GABRG2: variants seen among roughly 807,000 people sequenced by gnomAD.
GABRG2 encodes the protein gamma-aminobutyric acid receptor subunit gamma-2.
A neutral mutation model predicts 56.4 loss-of-function variants in GABRG2; 16 were observed. That is an observed-to-expected ratio of 0.28 (90% CI 0.19 to 0.43). GABRG2 has a LOEUF of 0.43. GABRG2 is among the 20% of genes least tolerant of loss of function. The probability of loss-of-function intolerance (pLI) is 1.00; values close to 1 mark genes in which losing one functional copy is unlikely to be tolerated. For synonymous variants in GABRG2, 208 were observed against 205.5 expected (o/e 1.01, Z -0.10); for missense variants, 327 against 582.7 (o/e 0.56, Z 4.52).
intron 6 of GABRG2, among the ~76,000 whole-genome samples, chr5:162,116,061 C>G (rs1241437880): frequency 1.3e-5 from 2 of 151,514 alleles, no homozygotes; most frequent in East Asian, 3.9e-4. Context: ...TCTTTCCTGA[C>G]TGACAGTCTG....
At chr5:162,152,617 T>A (rs1180771052) in intron 9 of GABRG2, 2 of 242,526 alleles carry the variant, frequency 8.2e-6, no homozygotes, top group Non-Finnish European at 1.6e-5. Flanking sequence ...TTTAACATTT[T>A]CTATTAACAT....
At chr5:162,144,096 C>T (rs1022556764) in intron 7 of GABRG2, among the ~76,000 whole-genome samples, 3 of 152,296 alleles carry the variant, frequency 2.0e-5, no homozygotes, top group Admixed American at 1.3e-4. Context: ...CTATTACTTT[C>T]GGACTATTAC....
At chr5:162,095,736 A>C (rs1026463125) in intron 3 of GABRG2, among the ~76,000 whole-genome samples, 174 bp downstream of exon 3, 1 of 152,112 alleles carries the variant, frequency 6.6e-6, no homozygotes. Context: ...ATTAAATGTT[A>C]AGTATTTTTA....
At chr5:162,109,424 T>TATATATATATA (rs1581377391) in intron 6 of GABRG2, among the ~76,000 whole-genome samples, 4 of 87,756 alleles carry the variant, frequency 4.6e-5, no homozygotes, top group South Asian at 3.3e-4. Context: ...ATATATATAT[T>TATATATATATA]TATTTATATA....
chr5:162,136,335 C>G (rs1210505355), intron 6 of GABRG2, among the ~76,000 whole-genome samples: 7 of 152,190 alleles, frequency 4.6e-5, no homozygotes, highest in Admixed American at 2.0e-4. Context: ...ACACTAGTCA[C>G]TAGCTACATG....
At position 162,094,336 on chromosome 5, in the gene GABRG2, G is replaced by GT. The variant is rs528516898; in HGVS notation, c.259+362dup. 3.6e-4 allele frequency: 104 copies of GT among 286,504 alleles called. 2 individuals are homozygous for GT. The South Asian group carries it at 3.7e-3, about 10-fold the overall frequency. The allele number at this position is 286,504 out of a possible 1,614,324, so 17.7% of individuals were successfully genotyped here. On this transcript the variant is annotated intron_variant, in intron 2 of 9. Transcript: ENST00000639213. Reference sequence around the variant, plus strand: ...TAAAGAGAGGATATATTGTTTGCCTGTTTTTGTGTAACAAACAACCAGAAA... The same window carrying GT: ...TAAAGAGAGGATATATTGTTTGCCTGTTTTTTGTGTAACAAACAACCAGAAA...
chr5:162,082,822 A>T (rs1759771004), intron 1 of GABRG2, among the ~76,000 whole-genome samples: 1 of 151,664 alleles, frequency 6.6e-6, no homozygotes, highest in South Asian at 2.1e-4. Context: ...AGAAAAAATA[A>T]GAAAAGACTT....
intron 6 of GABRG2, among the ~76,000 whole-genome samples, chr5:162,107,904 C>T (rs966641857): frequency 6.6e-6 from 1 of 152,146 alleles, no homozygotes. Flanking sequence ...TGTCTGTTCT[C>T]ATCTGGAATG....
intron 6 of GABRG2, among the ~76,000 whole-genome samples, chr5:162,141,637 T>C (rs13173675): frequency 0.089 from 13,609 of 152,242 alleles, 813 homozygotes; most frequent in Non-Finnish European, 0.14. Flanking sequence ...AACCATGTGA[T>C]TCAATGAACA....
At chr5:162,149,045 G>A (rs1765166347) in intron 7 of GABRG2, 63 bp from the exon 8 acceptor site, 1 of 1,455,736 alleles carries the variant, frequency 6.9e-7, no homozygotes, top group Admixed American at 1.7e-5. Flanking sequence ...AGTCTCACGA[G>A]TGACTCAGTT....
intron 1 of GABRG2, among the ~76,000 whole-genome samples, chr5:162,068,885 A>G (rs1758446518): frequency 6.6e-6 from 1 of 152,164 alleles, no homozygotes; most frequent in Non-Finnish European, 1.5e-5. Flanking sequence ...CATAGGGTGG[A>G]GAACGTAGTT....
intron 5 of GABRG2, 193 bp downstream of exon 5, chr5:162,101,510 G>A: frequency 1.6e-6 from 1 of 607,292 alleles, no homozygotes; most frequent in South Asian, 1.9e-5. Flanking sequence ...CAAAAGAAGG[G>A]CTGATTTTAT....
At chr5:162,093,784 T>A (rs1182001562) in intron 1 of GABRG2, 44 bp from the exon 2 acceptor site, 1 of 1,580,600 alleles carries the variant, frequency 6.3e-7, no homozygotes, top group Non-Finnish European at 8.7e-7. Flanking sequence ...AAAGTCAACT[T>A]GTGTGTAATC....
rs550642272 is a variant in GABRG2 at position 162,114,199 on chromosome 5, C to G, written c.769+10173C>G. 2.0e-5 allele frequency among the ~76,000 whole-genome samples: 3 copies of G among 152,148 alleles called. No homozygotes were observed. In the South Asian group the frequency reaches 6.2e-4, roughly 32 times the overall value. On this transcript the variant is annotated intron_variant, in intron 6 of 9. Coordinates refer to ENST00000639213, the MANE Select transcript of GABRG2 (RefSeq NM_198904.4). Reference sequence around the variant, plus strand: ...TGTAGAGCTGAATTATCACCTGTCTCAACATGTGGGTAATACAATCTCCAG... The same window carrying G: ...TGTAGAGCTGAATTATCACCTGTCTGAACATGTGGGTAATACAATCTCCAG...
chr5:162,071,585 G>A (rs1561633652), intron 1 of GABRG2, among the ~76,000 whole-genome samples: 2 of 151,766 alleles, frequency 1.3e-5, no homozygotes, highest in Non-Finnish European at 2.9e-5. Context: ...TGTTTCTTAT[G>A]AGCTGCTAAA....
At position 162,153,105 on chromosome 5, in the gene GABRG2, G is replaced by T; in HGVS notation, c.1165G>T (p.Asp389Tyr). The T allele has an allele frequency of 6.2e-7, 1 of 1,613,936 alleles. No individual in the cohort carries two copies. Among genetic ancestry groups the T allele is most frequent in the Non-Finnish European group, 8.5e-7 (1 of 1,179,940 alleles). ...RMFSFKAPTI[D>Y]IRPRSATIQM... ...ACCCTCGTCCCAGGCCCCTACCATT[G>T]ATATCCGCCCAAGATCAGCAACCAT... The change falls in exon 10 of 10, where the codon GAT becomes TAT. Residue 389 changes from aspartate (D) to tyrosine (Y), a missense_variant. By Grantham distance (160) the Asp-to-Tyr change is radical. Coordinates refer to ENST00000639213, the MANE Select transcript of GABRG2 (RefSeq NM_198904.4).
intron 6 of GABRG2, among the ~76,000 whole-genome samples, chr5:162,135,014 G>A (rs114259125): frequency 0.01 from 1,562 of 152,058 alleles, 11 homozygotes; most frequent in South Asian, 0.021. Context: ...TGTTCTTCAC[G>A]AACTTAATAG....
At chr5:162,135,118 T>C (rs796395891) in intron 6 of GABRG2, among the ~76,000 whole-genome samples, 2 of 152,274 alleles carry the variant, frequency 1.3e-5, no homozygotes, top group African/African-American at 4.8e-5. Flanking sequence ...ACCCATTTGT[T>C]CTCTTCTTTC....
At chr5:162,141,118 G>A (rs1202156946) in intron 6 of GABRG2, among the ~76,000 whole-genome samples, 1 of 151,954 alleles carries the variant, frequency 6.6e-6, no homozygotes. Context: ...CTCACTGCAA[G>A]CTCCGCCTCC....
Sources: gnomAD v4.1 joint callset for allele counts (sites outside exome capture counted in the v4.1 genomes callset) on GRCh38, gnomAD v4.1.1 for gene constraint, MANE v1.5 for transcripts, NCBI Gene and HGNC (gene_info 2026-07-23, HGNC 2026-07-21) for gene names.